Variants in TSG101 observed in about 807,000 individuals in gnomAD.
TSG101 encodes tumor susceptibility 101.
In TSG101, 19 loss-of-function variants were observed where a neutral mutation model predicts 48.5. That is an observed-to-expected ratio of 0.39 (90% CI 0.27 to 0.58). The LOEUF (loss-of-function observed/expected upper bound fraction) is 0.58. TSG101 is among the 20% of genes least tolerant of loss of function. TSG101 has a pLI of 0.55. For missense variants in TSG101, 365 were observed against 484.4 expected, an observed-to-expected ratio of 0.75 and a Z score of 2.31; for synonymous variants, 174 against 169.4, an observed-to-expected ratio of 1.03 and a Z score of -0.21.
In TSG101 at chr11:18,502,734, C is replaced by T. The variant is rs544313333; in HGVS notation, c.549-157G>A. ...TGCAAGTGTTTATTCAAGTAAAGCT[C>T]TATGGAAATTGTATTAATGACACTG... On this transcript the variant is annotated intron_variant, in intron 6 of 9. Coordinates refer to ENST00000251968, the MANE Select transcript of TSG101 (RefSeq NM_006292.4). Among the ~76,000 whole-genome samples, 3 of 152,324 alleles carry T rather than the reference C, an allele frequency of 2.0e-5. No individual in the cohort carries two copies. The South Asian group carries it at 6.2e-4, about 32-fold the overall frequency.
intron 7 of TSG101, among the ~76,000 whole-genome samples, chr11:18,491,885 G>T (rs1317032449): frequency 1.3e-5 from 2 of 152,240 alleles, no homozygotes; most frequent in Non-Finnish European, 2.9e-5. Flanking sequence ...TGAACATACA[G>T]ATTAAAATAC....
intron 1 of TSG101, among the ~76,000 whole-genome samples, chr11:18,525,079 T>G (rs1436244089): frequency 6.6e-6 from 1 of 151,836 alleles, no homozygotes. Flanking sequence ...GCCCGGCTAA[T>G]TTTTGTATTT....
chr11:18,501,055 G>A (rs545570848), intron 7 of TSG101, among the ~76,000 whole-genome samples: 2 of 152,080 alleles, frequency 1.3e-5, no homozygotes, highest in African/African-American at 2.4e-5. Context: ...TGATTCGCCC[G>A]CCTTGGCTTC....
intron 8 of TSG101, 27 bp from the exon 9 acceptor site, chr11:18,481,896 A>ATAAC (rs758476122): frequency 1.9e-6 from 3 of 1,607,856 alleles, no homozygotes; most frequent in Non-Finnish European, 2.5e-6. Flanking sequence ...CCAAGCATTA[A>ATAAC]TAACTGTACA....
intron 7 of TSG101, 44 bp downstream of exon 7, chr11:18,502,442 G>C (rs373365500): frequency 2.6e-6 from 4 of 1,522,046 alleles, no homozygotes; most frequent in Non-Finnish European, 3.6e-6. Context: ...CAGGGAGTTA[G>C]ACTTTGCTTA....
chr11:18,505,824 T>C (rs1222462782), intron 6 of TSG101, among the ~76,000 whole-genome samples: 1 of 152,038 alleles, frequency 6.6e-6, no homozygotes, highest in African/African-American at 2.4e-5. Flanking sequence ...GGTTGTGGGG[T>C]TTTGTTTGTT....
chr11:18,518,934 G>A (rs1270735254), intron 2 of TSG101, among the ~76,000 whole-genome samples: 2 of 152,070 alleles, frequency 1.3e-5, no homozygotes, highest in African/African-American at 2.4e-5. Context: ...AACACTTTGG[G>A]AAATGGACTA....
At chr11:18,481,556 T>C in intron 9 of TSG101, 74 bp downstream of exon 9, 1 of 1,544,630 alleles carries the variant, frequency 6.5e-7, no homozygotes, top group Non-Finnish European at 8.7e-7. Context: ...GAAACTCTCT[T>C]GGTTTGTGGT....
chr11:18,516,315 T>C, intron 2 of TSG101, 151 bp from the exon 3 acceptor site: 1 of 617,176 alleles, frequency 1.6e-6, no homozygotes. Context: ...AACTAACAAT[T>C]CTTTGTTGAT....
At chr11:18,494,126 GAAGGT>G (rs1849740656) in intron 7 of TSG101, among the ~76,000 whole-genome samples, 1 of 152,150 alleles carries the variant, frequency 6.6e-6, no homozygotes, top group Non-Finnish European at 1.5e-5. Context: ...TTTCAAAAGT[GAAGGT>G]AAGTAGGTAT....
intron 7 of TSG101, among the ~76,000 whole-genome samples, chr11:18,496,701 T>C (rs896605859): frequency 6.6e-6 from 1 of 151,206 alleles, no homozygotes; most frequent in Non-Finnish European, 1.5e-5. Context: ...GAGGCTGAGG[T>C]GGGAGGATCA....
At chr11:18,504,200 CAAAAAA>C (rs933198352) in intron 6 of TSG101, among the ~76,000 whole-genome samples, 1 of 43,312 alleles carries the variant, frequency 2.3e-5, no homozygotes, top group Non-Finnish European at 5.7e-5. Flanking sequence ...GCCCCCATCT[CAAAAAA>C]AAAAAAAAAA....
Position 18,506,933 on chromosome 11 carries a change from A to G in TSG101, c.482-10T>C. ...CCTGGCATGTAGGAAGCTAAAAACA[A>G]TTTTTTTCACATTGTAAAAATAATA... On this transcript the variant is annotated splice_polypyrimidine_tract_variant and intron_variant, in intron 5 of 9. Coordinates refer to ENST00000251968, the MANE Select transcript of TSG101 (RefSeq NM_006292.4). 1 of 1,604,192 alleles carries G rather than the reference A, an allele frequency of 6.2e-7. No individual in the cohort carries two copies. The highest frequency in any genetic ancestry group is 8.5e-7 in the Non-Finnish European group (1 of 1,173,790).
intron 4 of TSG101, 114 bp downstream of exon 4, chr11:18,514,564 T>G: frequency 1.3e-6 from 1 of 759,666 alleles, no homozygotes; most frequent in Non-Finnish European, 1.9e-6. Context: ...ATTAGTCCAT[T>G]ATCTGAACTT....
chr11:18,480,477 G>T lies in TSG101; in HGVS notation c.*69C>A. 8.4e-7 allele frequency: 1 copy of T among 1,193,834 alleles called. No homozygotes were observed. 74.0% of individuals were successfully genotyped at this position (1,193,834 alleles called of 1,614,324 possible). A position where few individuals can be genotyped will look rare whatever the true frequency, so the allele number is the denominator to read the frequency against. On this transcript the variant is annotated 3_prime_UTR_variant, in exon 10 of 10. Transcript: ENST00000251968. Reference sequence around the variant, plus strand: ...GATAAACTGCAATAACTTATTCTGGGCACCTACTGATAAAAGGAAGAGAAG... The same window carrying T: ...GATAAACTGCAATAACTTATTCTGGTCACCTACTGATAAAAGGAAGAGAAG...
At chr11:18,510,429 C>T (rs1850059345) in intron 4 of TSG101, among the ~76,000 whole-genome samples, 1 of 151,982 alleles carries the variant, frequency 6.6e-6, no homozygotes, top group South Asian at 2.1e-4. Context: ...TCAAAACAAA[C>T]AAACAAAAAA....
intron 7 of TSG101, 106 bp downstream of exon 7, chr11:18,502,380 T>A: frequency 1.1e-5 from 9 of 813,946 alleles, no homozygotes; most frequent in Non-Finnish European, 1.7e-5. Context: ...TAGGTTTTCC[T>A]CTAAGAAGAA....
chr11:18,520,689 T>C (rs1348144552), intron 1 of TSG101, among the ~76,000 whole-genome samples: 3 of 152,244 alleles, frequency 2.0e-5, no homozygotes, highest in East Asian at 1.9e-4. Context: ...TATAGTTTCA[T>C]AGATATATGT....
intron 9 of TSG101, 103 bp from the exon 10 acceptor site, chr11:18,480,738 C>T (rs1849519610): frequency 4.0e-6 from 4 of 988,298 alleles, no homozygotes; most frequent in Admixed American, 4.4e-5. Flanking sequence ...AACCCTAACT[C>T]ATGACCTGCC....
Sources: gnomAD v4.1 joint callset for allele counts (sites outside exome capture counted in the v4.1 genomes callset) on GRCh38, gnomAD v4.1.1 for gene constraint, MANE v1.5 for transcripts, NCBI Gene and HGNC (gene_info 2026-07-23, HGNC 2026-07-21) for gene names.